The following ZNF566 variants were observed in gnomAD, a reference collection of about 807,000 sequenced individuals.
The protein encoded by ZNF566 is zinc finger protein 566.
Under a neutral mutation model 32.8 loss-of-function variants are expected in ZNF566, and 27 were observed. The ratio of observed to expected loss-of-function variants is 0.82; its 90% CI spans 0.61 to 1.14. ZNF566 has a LOEUF of 1.14. Among genes scored for constraint, ZNF566 ranks in the 50% most tolerant of loss-of-function variants. The probability of loss-of-function intolerance (pLI) is 0.00; values close to 1 mark genes in which losing one functional copy is unlikely to be tolerated. For missense variants in ZNF566, 402 were observed against 490.4 expected, an observed-to-expected ratio of 0.82 and a Z score of 1.70; for synonymous variants, 154 against 159.5, an observed-to-expected ratio of 0.97 and a Z score of 0.26.
At chr19:36,465,208 CCAAT>C (rs2033581583) in intron 4 of ZNF566, among the ~76,000 whole-genome samples, 1 of 151,796 alleles carries the variant, frequency 6.6e-6, no homozygotes, top group South Asian at 2.1e-4. Flanking sequence ...TTCATACTCA[CCAAT>C]CAGATTATTA....
intron 4 of ZNF566, among the ~76,000 whole-genome samples, chr19:36,467,954 G>A (rs2033665516): frequency 6.6e-6 from 1 of 151,642 alleles, no homozygotes; most frequent in Non-Finnish European, 1.5e-5. Flanking sequence ...GGGAGGCCGA[G>A]GCAGGCCGAT....
rs1267921985 is a variant in ZNF566, at chr19:36,447,405, G to A, written c.*1572C>T. ...GGTGCTTCATTAGTAATAGTTAACT[G>A]ATCACATGCTAATTTTTCCCTGTTC... On this transcript the variant is annotated 3_prime_UTR_variant, in exon 5 of 5. Transcript: ENST00000452939. The A allele has an allele frequency of 6.6e-6, 1 of 152,166 alleles. No individual in the cohort carries two copies. Among genetic ancestry groups the A allele is most frequent in the East Asian group, 1.9e-4 (1 of 5,190 alleles). The allele number at this position is 152,166 out of a possible 1,614,324, so 9.4% of individuals were successfully genotyped here. A position where few individuals can be genotyped will look rare whatever the true frequency, so the allele number is the denominator to read the frequency against.
At chr19:36,464,973 C>T (rs1193867712) in intron 4 of ZNF566, among the ~76,000 whole-genome samples, 1 of 151,956 alleles carries the variant, frequency 6.6e-6, no homozygotes, top group Non-Finnish European at 1.5e-5. Flanking sequence ...AAAAAAGACA[C>T]AAACTGGAAA....
intron 1 of ZNF566, among the ~76,000 whole-genome samples, chr19:36,484,983 C>A (rs966366469): frequency 1.3e-5 from 2 of 152,062 alleles, no homozygotes; most frequent in African/African-American, 4.8e-5. Flanking sequence ...TGGCAAACAA[C>A]ACTGTTACCA....
chr19:36,462,689 T>C (rs894410667), intron 4 of ZNF566, among the ~76,000 whole-genome samples: 5 of 151,756 alleles, frequency 3.3e-5, no homozygotes, highest in African/African-American at 4.8e-5. Flanking sequence ...TATGTACATA[T>C]GTATGTGCAT....
intron 4 of ZNF566, among the ~76,000 whole-genome samples, chr19:36,455,956 G>A (rs1030690319): frequency 5.4e-5 from 8 of 149,024 alleles, no homozygotes; most frequent in African/African-American, 9.9e-5. Context: ...GGAGAATGGC[G>A]TGAACCCGGG....
chr19:36,471,240 T>G (rs1279752510), intron 4 of ZNF566, among the ~76,000 whole-genome samples: 1 of 150,720 alleles, frequency 6.6e-6, no homozygotes, highest in Non-Finnish European at 1.5e-5. Context: ...AAATAATGAG[T>G]TGCATCAAGC....
chr19:36,469,582 G>A (rs775320277), intron 4 of ZNF566, among the ~76,000 whole-genome samples: 1 of 151,972 alleles, frequency 6.6e-6, no homozygotes. Context: ...CGACAATAGG[G>A]GTAGATTAGT....
chr19:36,452,569 C>T (rs2033184454), intron 4 of ZNF566, among the ~76,000 whole-genome samples: 1 of 149,278 alleles, frequency 6.7e-6, no homozygotes, highest in Admixed American at 6.8e-5. Context: ...TAAAAACGTA[C>T]ATCATGCAAT....
At chr19:36,476,270 T>G (rs969200092) in intron 2 of ZNF566, 2 of 273,188 alleles carry the variant, frequency 7.3e-6, no homozygotes, top group Non-Finnish European at 1.4e-5. Flanking sequence ...TGTGCCACTG[T>G]ACTCCAGCCT....
chr19:36,485,516 C>A (rs1355172926), intron 1 of ZNF566, among the ~76,000 whole-genome samples: 2 of 148,914 alleles, frequency 1.3e-5, no homozygotes, highest in African/African-American at 5.0e-5. Flanking sequence ...AATCCCACTA[C>A]TTTGGGAGGT....
chr19:36,465,278 G>A (rs954642634), intron 4 of ZNF566, among the ~76,000 whole-genome samples: 2 of 151,996 alleles, frequency 1.3e-5, no homozygotes, highest in African/African-American at 2.4e-5. Flanking sequence ...TACTTCCAAC[G>A]TAAACTAATA....
At chr19:36,455,072 T>A (rs917091182) in intron 4 of ZNF566, among the ~76,000 whole-genome samples, 20 of 152,286 alleles carry the variant, frequency 1.3e-4, no homozygotes, top group African/African-American at 4.8e-4. Context: ...TGTTTCAATA[T>A]AAGCAAAGCA....
chr19:36,479,351 TAA>T (rs1363773746), intron 1 of ZNF566, among the ~76,000 whole-genome samples: 1 of 152,120 alleles, frequency 6.6e-6, no homozygotes, highest in Non-Finnish European at 1.5e-5. Context: ...TCCTAAATAA[TAA>T]ATTCTTAAAA....
intron 4 of ZNF566, among the ~76,000 whole-genome samples, chr19:36,459,290 T>A (rs1471940431): frequency 6.6e-6 from 1 of 151,812 alleles, no homozygotes; most frequent in Non-Finnish European, 1.5e-5. Flanking sequence ...CTGAGCAATA[T>A]ATATGAGGAA....
rs111827236 is a variant in ZNF566, at chr19:36,480,655, G to GAA, written c.-59-4041_-59-4040dup. Among the ~76,000 whole-genome samples, 559 of 124,250 alleles carry GAA rather than the reference G, an allele frequency of 4.5e-3. 9 individuals carry two copies. The highest frequency in any genetic ancestry group is 8.0e-3 in the Admixed American group (101 of 12,594). The allele number at this position is 124,250 out of a possible 152,430, so 81.5% of individuals were successfully genotyped here. A position where few individuals can be genotyped will look rare whatever the true frequency, so the allele number is the denominator to read the frequency against. On this transcript the variant is annotated intron_variant, in intron 1 of 4. Coordinates refer to ENST00000452939, the MANE Select transcript of ZNF566 (RefSeq NM_001145344.1). ...GCTGAAACAACTAGGCACCCAACTG[G>GAA]AAAAAAAAAAATTAACCTTTACCCC...
intron 1 of ZNF566, among the ~76,000 whole-genome samples, chr19:36,479,418 A>G (rs969836687): frequency 6.6e-6 from 1 of 152,184 alleles, no homozygotes; most frequent in African/African-American, 2.4e-5. Flanking sequence ...ATAAAAATCA[A>G]TTGCATTTCT....
At chr19:36,476,292 C>T (rs1379297349) in intron 2 of ZNF566, 11 of 346,096 alleles carry the variant, frequency 3.2e-5, no homozygotes, top group African/African-American at 7.0e-5. Context: ...GAAGACAGAG[C>T]GAGACTCCAT....
At chr19:36,476,517 CTCTA>C in intron 2 of ZNF566, 28 bp downstream of exon 2, 1 of 1,594,866 alleles carries the variant, frequency 6.3e-7, no homozygotes, top group Non-Finnish European at 8.6e-7. Context: ...GTAAAAATCA[CTCTA>C]TCTGAGCAAA....
Sources: gnomAD v4.1 joint callset for allele counts (sites outside exome capture counted in the v4.1 genomes callset) on GRCh38, gnomAD v4.1.1 for gene constraint, MANE v1.5 for transcripts, NCBI Gene and HGNC (gene_info 2026-07-23, HGNC 2026-07-21) for gene names.